Variants in ABCA13 observed in about 807,000 individuals in gnomAD.
ABCA13 encodes ATP-binding cassette sub-family A member 13.
ABCA13 carries 476 observed loss-of-function variants against 478.7 expected under a neutral mutation model. That is an observed-to-expected ratio of 0.99 (90% confidence interval 0.92 to 1.07). The LOEUF (loss-of-function observed/expected upper bound fraction) is 1.07. ABCA13 is among the 50% of genes least tolerant of loss of function. The pLI, the probability that ABCA13 is intolerant of heterozygous loss-of-function variation, is 0.00. For missense variants in ABCA13, 6,060 were observed against 5,910.6 expected (o/e 1.03, Z -0.83); for synonymous variants, 2,252 against 2,158.9 (o/e 1.04, Z -1.20).
intron 40 of ABCA13, among the ~76,000 whole-genome samples, chr7:48,411,021 T>TTCTTTCTTTC: frequency 8.4e-6 from 1 of 118,774 alleles, no homozygotes; most frequent in South Asian, 2.4e-4. Context: ...CTTTCTTTCT[T>TTCTTTCTTTC]TCTTTCTTTC....
At chr7:48,437,629 T>G (rs1374571855) in intron 42 of ABCA13, among the ~76,000 whole-genome samples, 1 of 152,084 alleles carries the variant, frequency 6.6e-6, no homozygotes, top group Non-Finnish European at 1.5e-5. Context: ...TTCTAGAAAC[T>G]ATTTCTCCTT....
chr7:48,287,924 T>G (rs753915769), intron 19 of ABCA13, 36 bp from the exon 20 acceptor site: 1 of 1,533,772 alleles, frequency 6.5e-7, no homozygotes, highest in Non-Finnish European at 9.0e-7. Flanking sequence ...GAGAGGACTG[T>G]CTATTAATTA....
In ABCA13 at chr7:48,273,391, T is replaced by C. The variant is rs1404830732; in HGVS notation, c.3725T>C (p.Leu1242Ser). 6.2e-7 allele frequency: 1 copy of C among 1,613,532 alleles called. No homozygotes were observed. The highest frequency in any genetic ancestry group is 8.5e-7 in the Non-Finnish European group (1 of 1,179,734). The change falls in exon 17 of 62, where the codon TTA (leucine) becomes TCA (serine). Residue 1242 changes from leucine (L) to serine (S), a missense_variant. Coordinates refer to ENST00000435803, the MANE Select transcript of ABCA13 (RefSeq NM_152701.5). ...RDFLVALGNA[L>S]VSVKKLNLEQ... The stretch of plus-strand genomic sequence containing the variant: ...TTTTTGGTAGCTTTAGGTAATGCAT[T>C]AGTTTCAGTAAAAAAACTTAACTTG...
intron 55 of ABCA13, among the ~76,000 whole-genome samples, chr7:48,575,059 AT>A (rs5884053): frequency 0.13 from 20,095 of 150,370 alleles, 1,648 homozygotes; most frequent in African/African-American, 0.21. Context: ...TCCAGTAGAC[AT>A]TTTTTTTTTG....
rs1483430042 is a variant in ABCA13, at chr7:48,524,446, G to A, written c.14244+6G>A. Reference sequence around the variant, plus strand: ...TGGGCATACCAAAAGGAGAGGTAATGAAGCTTCTATTTTTAATCTTCTTCT... The same window carrying A: ...TGGGCATACCAAAAGGAGAGGTAATAAAGCTTCTATTTTTAATCTTCTTCT... On this transcript the variant is annotated splice_donor_region_variant and intron_variant, in intron 54 of 61. Coordinates refer to ENST00000435803, the MANE Select transcript of ABCA13 (RefSeq NM_152701.5). The A allele has an allele frequency of 6.3e-7, 1 of 1,597,738 alleles. No homozygotes were observed. The highest frequency in any genetic ancestry group is 1.4e-5 in the African/African-American group (1 of 73,486).
rs139984509 is a variant in ABCA13 at position 48,196,836 on chromosome 7, T to G, written c.164-1401T>G. Among the ~76,000 whole-genome samples the G allele has an allele frequency of 5.2e-3, 784 of 152,202 alleles. 3 individuals carry two copies. Among genetic ancestry groups the G allele is most frequent in the African/African-American group, 0.018 (742 of 41,518 alleles). On this transcript the variant is annotated intron_variant, in intron 2 of 61. Transcript: ENST00000435803. ...TTGCTGACCCCTGAAGTCACCACCATGTGGAAGATGTTCTGTGCCTGTCTT... is the reference window on the plus strand; with the variant it reads ...TTGCTGACCCCTGAAGTCACCACCAGGTGGAAGATGTTCTGTGCCTGTCTT...
chr7:48,285,079 A>C (rs1797544082), intron 19 of ABCA13, among the ~76,000 whole-genome samples: 2 of 152,196 alleles, frequency 1.3e-5, no homozygotes, highest in Non-Finnish European at 2.9e-5. Flanking sequence ...CATGCAACGG[A>C]AGGAGCCTCA....
chr7:48,420,031 T>C (rs924873062), intron 41 of ABCA13, among the ~76,000 whole-genome samples: 1 of 152,182 alleles, frequency 6.6e-6, no homozygotes, highest in Non-Finnish European at 1.5e-5. Context: ...TCTTGACACT[T>C]GGCGAGCATT....
At chr7:48,432,042 T>C (rs1327981014) in intron 42 of ABCA13, among the ~76,000 whole-genome samples, 1 of 152,212 alleles carries the variant, frequency 6.6e-6, no homozygotes, top group East Asian at 1.9e-4. Context: ...GTAACAAACC[T>C]GCACGTTGTG....
chr7:48,525,971 A>G (rs770299851), intron 54 of ABCA13, among the ~76,000 whole-genome samples: 6 of 151,870 alleles, frequency 4.0e-5, no homozygotes, highest in Non-Finnish European at 8.8e-5. Context: ...GCTCCTACTT[A>G]TAAGTGAGAA....
At chr7:48,612,324 T>C (rs188905489) in intron 58 of ABCA13, 1 of 152,316 alleles carries the variant, frequency 6.6e-6, no homozygotes, top group Non-Finnish European at 1.5e-5. Context: ...GAATGCCCAT[T>C]AACCCACCTA....
At chr7:48,201,535 C>T (rs1422809578) in intron 3 of ABCA13, among the ~76,000 whole-genome samples, 1 of 152,090 alleles carries the variant, frequency 6.6e-6, no homozygotes, top group African/African-American at 2.4e-5. Context: ...CCCTGGCCAA[C>T]AGGCTGAAAC....
Position 48,279,521 on chromosome 7 carries a change from A to C in ABCA13, c.8327A>C (p.Glu2776Ala). 6.2e-7 allele frequency: 1 copy of C among 1,613,476 alleles called. No individual in the cohort carries two copies. The highest frequency in any genetic ancestry group is 8.5e-7 in the Non-Finnish European group (1 of 1,179,668). The part of the protein sequence containing the change: ...QHPNNLLKTI[E>A]TVLEASSGIK... ...CCAAATAACCTTTTGAAAACCATAG[A>C]AACAGTTTTAGAGGCCTCCAGTGGA... Residue 2776 changes from glutamate to alanine, a missense_variant, in exon 18 of 62, where the codon GAA (glutamate) becomes GCA (alanine). This residue lies in a region of ABCA13 where 4,423 missense variants were observed against 4,309.1 expected (regional missense o/e 1.03). Coordinates refer to ENST00000435803, the MANE Select transcript of ABCA13 (RefSeq NM_152701.5).
intron 58 of ABCA13, chr7:48,611,872 A>G (rs1792059816): frequency 6.6e-6 from 1 of 152,220 alleles, no homozygotes. Flanking sequence ...CAGTGCACCC[A>G]TAAGATGATT....
chr7:48,404,601 T>G (rs1040670430), intron 39 of ABCA13: 1 of 152,460 alleles, frequency 6.6e-6, no homozygotes, highest in African/African-American at 2.4e-5. Flanking sequence ...AATTTTCTTC[T>G]GACTTAACCT....
chr7:48,388,052 G>A, intron 36 of ABCA13, 93 bp downstream of exon 36: 1 of 1,366,722 alleles, frequency 7.3e-7, no homozygotes, highest in South Asian at 1.5e-5. Context: ...GCCTTTTCAA[G>A]TGTGTGCTGA....
At chr7:48,611,037 C>T (rs935907097) in intron 58 of ABCA13, among the ~76,000 whole-genome samples, 1 of 152,186 alleles carries the variant, frequency 6.6e-6, no homozygotes, top group Non-Finnish European at 1.5e-5. Flanking sequence ...TTTCTTCAGC[C>T]ATTCCTCCTC....
intron 14 of ABCA13, among the ~76,000 whole-genome samples, chr7:48,248,798 C>T (rs760939823): frequency 2.6e-5 from 4 of 152,166 alleles, no homozygotes; most frequent in South Asian, 2.1e-4. Flanking sequence ...ACAGAAAATT[C>T]GCCTTGATTT....
intron 55 of ABCA13, among the ~76,000 whole-genome samples, chr7:48,578,241 G>A (rs1472593906): frequency 6.6e-6 from 1 of 152,096 alleles, no homozygotes; most frequent in Non-Finnish European, 1.5e-5. Context: ...GCAGAAAAGG[G>A]AGTTAAAATC....
Sources: allele counts gnomAD v4.1 joint callset (sites outside exome capture counted in the v4.1 genomes callset), GRCh38; gene constraint gnomAD v4.1.1; regional missense constraint gnomAD v4.1.1; transcripts MANE v1.5; gene names NCBI Gene and HGNC (gene_info 2026-07-23, HGNC 2026-07-21).